Variants in KANSL1 observed in about 807,000 individuals in gnomAD.
KANSL1 encodes MLL1/MLL complex subunit KANSL1.
A neutral mutation model predicts 103.6 loss-of-function variants in KANSL1; 22 were observed. The ratio of observed to expected loss-of-function variants is 0.21; its 90% CI spans 0.15 to 0.30. The LOEUF (loss-of-function observed/expected upper bound fraction) is 0.30. Among genes scored for constraint, KANSL1 ranks in the 10% least tolerant of loss-of-function variants. The pLI, the probability that KANSL1 is intolerant of heterozygous loss-of-function variation, is 1.00. For missense variants in KANSL1, 1,337 were observed against 1,399.8 expected (o/e 0.96, Z 0.72); for synonymous variants, 600 against 527.6 (o/e 1.14, Z -1.88).
At chr17:46,186,999 T>C (rs2047067074) in intron 1 of KANSL1, among the ~76,000 whole-genome samples, 1 of 152,148 alleles carries the variant, frequency 6.6e-6, no homozygotes, top group South Asian at 2.1e-4. Context: ...CCCAAGGTGC[T>C]GGGATTACAG....
chr17:46,128,134 A>G (rs17577650), intron 2 of KANSL1, among the ~76,000 whole-genome samples: 21,628 of 151,770 alleles, frequency 0.14, 2,118 homozygotes, highest in Non-Finnish European at 0.22. Context: ...AATTCTTAAC[A>G]TGTCCCACAA....
intron 2 of KANSL1, among the ~76,000 whole-genome samples, chr17:46,106,070 G>A (rs144978478): frequency 1.3e-5 from 2 of 152,346 alleles, no homozygotes; most frequent in East Asian, 1.9e-4. Context: ...ATCTCTAGAA[G>A]AATGAGAGAA....
intron 2 of KANSL1, among the ~76,000 whole-genome samples, chr17:46,139,397 C>A (rs2044308855): frequency 6.6e-6 from 1 of 152,126 alleles, no homozygotes; most frequent in South Asian, 2.1e-4. Context: ...TTAGTTCCCT[C>A]AAGGTGAAGT....
At chr17:46,168,479 C>G (rs2046119113) in intron 2 of KANSL1, among the ~76,000 whole-genome samples, 1 of 152,166 alleles carries the variant, frequency 6.6e-6, no homozygotes, top group Non-Finnish European at 1.5e-5. Context: ...TCCAGAGCAG[C>G]TGGATGTAGA....
chr17:46,140,752 G>A (rs1364599359), intron 2 of KANSL1, among the ~76,000 whole-genome samples: 1 of 152,136 alleles, frequency 6.6e-6, no homozygotes, highest in African/African-American at 2.4e-5. Flanking sequence ...ATATACAAAT[G>A]ACCAATTAAG....
intron 2 of KANSL1, among the ~76,000 whole-genome samples, chr17:46,136,566 T>C (rs1327977652): frequency 3.9e-5 from 6 of 152,222 alleles, no homozygotes; most frequent in Non-Finnish European, 5.9e-5. Context: ...ACACATTAGG[T>C]AGACTGGATG....
intron 6 of KANSL1, among the ~76,000 whole-genome samples, chr17:46,058,055 A>G (rs1481256175): frequency 3.3e-5 from 5 of 152,232 alleles, no homozygotes; most frequent in Admixed American, 6.5e-5. Context: ...TAATAGCTTC[A>G]CTGAGTTGAG....
chr17:46,196,954 T>G (rs2047630353), upstream of KANSL1, among the ~76,000 whole-genome samples: 2 of 151,724 alleles, frequency 1.3e-5, no homozygotes, highest in Non-Finnish European at 2.9e-5. Context: ...AAAAAATAAA[T>G]AATAAAAAAA....
At chr17:46,061,233 C>A (rs1230470970) in intron 6 of KANSL1, among the ~76,000 whole-genome samples, 12 of 152,056 alleles carry the variant, frequency 7.9e-5, no homozygotes, top group South Asian at 6.2e-4. Context: ...AAACTACATT[C>A]TTTTCTTTTT....
At chr17:46,054,163 C>T (rs1256556436) in intron 6 of KANSL1, among the ~76,000 whole-genome samples, 1 of 152,110 alleles carries the variant, frequency 6.6e-6, no homozygotes, top group African/African-American at 2.4e-5. Flanking sequence ...AGAGATTCTT[C>T]TGCCTTAGCC....
chr17:46,159,181 G>A (rs1315752576), intron 2 of KANSL1, among the ~76,000 whole-genome samples: 1 of 152,158 alleles, frequency 6.6e-6, no homozygotes, highest in Non-Finnish European at 1.5e-5. Context: ...CCTCAGCAAA[G>A]CAAAAGGCCT....
At chr17:46,152,218 C>T (rs1386296149) in intron 2 of KANSL1, among the ~76,000 whole-genome samples, 1 of 152,206 alleles carries the variant, frequency 6.6e-6, no homozygotes, top group Non-Finnish European at 1.5e-5. Flanking sequence ...AATTCTGTAT[C>T]ATAAAAACAT....
chr17:46,059,121 CA>C (rs2078055020), intron 6 of KANSL1, among the ~76,000 whole-genome samples: 1 of 149,120 alleles, frequency 6.7e-6, no homozygotes, highest in South Asian at 2.1e-4. Context: ...GAATGGATAA[CA>C]CTAGAGACTT....
intron 1 of KANSL1, among the ~76,000 whole-genome samples, chr17:46,190,309 G>T (rs1383546904): frequency 1.3e-5 from 2 of 152,184 alleles, no homozygotes; most frequent in Admixed American, 1.3e-4. Flanking sequence ...TCCTCAACAG[G>T]AAACACTCAC....
intron 2 of KANSL1, among the ~76,000 whole-genome samples, chr17:46,143,234 GA>G (rs1303872905): frequency 1.3e-5 from 2 of 152,212 alleles, no homozygotes; most frequent in Non-Finnish European, 2.9e-5. Context: ...CAGTTCTGTA[GA>G]AGTCATTATC....
intron 2 of KANSL1, among the ~76,000 whole-genome samples, chr17:46,123,497 A>C (rs946618009): frequency 2.6e-5 from 4 of 152,242 alleles, no homozygotes; most frequent in Non-Finnish European, 5.9e-5. Context: ...CAAACTTGTA[A>C]ATGCAAAAGT....
chr17:46,197,368 C>T (rs1055347538), upstream of KANSL1, among the ~76,000 whole-genome samples: 6 of 152,340 alleles, frequency 3.9e-5, no homozygotes, highest in South Asian at 2.1e-4. Flanking sequence ...GTAGGCTGGG[C>T]GTGGTGGCTC....
At chr17:46,070,907 G>C (rs1008881715) in intron 4 of KANSL1, among the ~76,000 whole-genome samples, 1 of 152,106 alleles carries the variant, frequency 6.6e-6, no homozygotes, top group Non-Finnish European at 1.5e-5. Flanking sequence ...TTAACTGCAA[G>C]AACACTTGTC....
At chr17:46,088,603 A>G (rs2079255105) in intron 3 of KANSL1, 1 of 152,266 alleles carries the variant, frequency 6.6e-6, no homozygotes, top group South Asian at 2.1e-4. Context: ...ATTTTAAAAA[A>G]CAACGTAAGA....
Sources: gnomAD v4.1 joint callset for allele counts (sites outside exome capture counted in the v4.1 genomes callset) on GRCh38, gnomAD v4.1.1 for gene constraint, MANE v1.5 for transcripts, NCBI Gene and HGNC (gene_info 2026-07-23, HGNC 2026-07-21) for gene names.